ANKRD27: variants seen among roughly 807,000 people sequenced by gnomAD.
ANKRD27 encodes the protein ankyrin repeat domain-containing protein 27.
A neutral mutation model predicts 129.7 loss-of-function variants in ANKRD27; 112 were observed. That is an observed-to-expected ratio of 0.86 (90% CI 0.74 to 1.01). ANKRD27 has a LOEUF of 1.01. ANKRD27 is among the 50% of genes least tolerant of loss of function. The pLI is 0.00. For synonymous variants in ANKRD27, 516 were observed against 511.2 expected (o/e 1.01, Z -0.13); for missense variants, 1,258 against 1,300.5 (o/e 0.97, Z 0.50).
At chr19:32,642,939 A>C in intron 9 of ANKRD27, 184 bp downstream of exon 9, 7 of 603,076 alleles carry the variant, frequency 1.2e-5, no homozygotes, top group South Asian at 6.5e-5. Flanking sequence ...TGGGAGGGGG[A>C]CGGCCACACA....
chr19:32,620,247 A>G lies in ANKRD27; in HGVS notation c.1828-694T>C, dbSNP rs1971987605. Among the ~76,000 whole-genome samples the G allele has an allele frequency of 2.0e-5, 3 of 151,326 alleles. No individual in the cohort carries two copies. The South Asian group carries it at 6.3e-4, about 32-fold the overall frequency. Reference sequence around the variant, plus strand: ...TGCTGTGTCCCTGCCACACACACACAAAATAATTTAAAAAAAAAAAAAAGA... The same window carrying G: ...TGCTGTGTCCCTGCCACACACACACGAAATAATTTAAAAAAAAAAAAAAGA... On this transcript the variant is annotated intron_variant, in intron 18 of 28. Transcript: ENST00000306065.
Position 32,609,093 on chromosome 19 carries a change from C to T in ANKRD27, c.2176-1261G>A, listed in dbSNP as rs371709180. Among the ~76,000 whole-genome samples, 42 of 135,134 alleles carry T rather than the reference C, an allele frequency of 3.1e-4. 1 individual carries two copies. The highest frequency in any genetic ancestry group is 2.9e-3 in the Admixed American group (36 of 12,480). 88.7% of individuals were successfully genotyped at this position (135,134 alleles called of 152,430 possible). A position where few individuals can be genotyped will look rare whatever the true frequency, so the allele number is the denominator to read the frequency against. On this transcript the variant is annotated intron_variant, in intron 22 of 28. Transcript: ENST00000306065. ...ACGTTGGCTAGGCTGGGCAACAGAG[C>T]GAGACTCCATCTCCAAAAAAAAAAA...
rs748775594 is a variant in ANKRD27 at position 32,656,100 on chromosome 19, AAAG to A, written c.102+2811_102+2813del. Among the ~76,000 whole-genome samples the A allele has an allele frequency of 3.0e-3, 368 of 121,940 alleles. 4 individuals are homozygous for A. The East Asian group carries it at 0.038, about 13-fold the overall frequency. 80.0% of individuals were successfully genotyped at this position (121,940 alleles called of 152,430 possible). A position where few individuals can be genotyped will look rare whatever the true frequency, so the allele number is the denominator to read the frequency against. On this transcript the variant is annotated intron_variant, in intron 2 of 28. Transcript: ENST00000306065. Reference sequence around the variant, plus strand: ...GAAAGAAAGAAAGAAAGAAAGAAAGAAAGAAAGAAAAGAAAAGAAAAGAAAAGA... The same window carrying A: ...GAAAGAAAGAAAGAAAGAAAGAAAGAAAAGAAAAGAAAAGAAAAGAAAAGA...
intron 22 of ANKRD27, among the ~76,000 whole-genome samples, 174 bp downstream of exon 22, chr19:32,615,484 T>A (rs614370): frequency 4.6e-5 from 7 of 151,398 alleles, no homozygotes; most frequent in South Asian, 2.1e-4. Flanking sequence ...GTCAGGACAC[T>A]GAGGTGAGAG....
chr19:32,597,239 T>TAAC lies in ANKRD27; in HGVS notation c.*903_*905dup, dbSNP rs1362989389. ...TAGCTCTAGGCCAATAACATAAAAA[T>TAAC]AACAGTATAATCTATAGAAATTTAT... is the stretch of plus-strand genomic sequence containing the variant. On this transcript the variant is annotated 3_prime_UTR_variant, in exon 29 of 29. Transcript: ENST00000306065. 2 of 152,504 alleles carry TAAC rather than the reference T, an allele frequency of 1.3e-5. No individual in the cohort carries two copies. The highest frequency in any genetic ancestry group is 2.9e-5 in the Non-Finnish European group (2 of 68,006). The allele number at this position is 152,504 out of a possible 1,614,324, so 9.4% of individuals were successfully genotyped here.
At chr19:32,657,259 C>T (rs890355377) in intron 2 of ANKRD27, among the ~76,000 whole-genome samples, 1 of 151,708 alleles carries the variant, frequency 6.6e-6, no homozygotes, top group Non-Finnish European at 1.5e-5. Flanking sequence ...GTCAGGAGAT[C>T]GAGACCATCC....
At chr19:32,607,302 G>A (rs1468502380) in intron 23 of ANKRD27, among the ~76,000 whole-genome samples, 2 of 152,136 alleles carry the variant, frequency 1.3e-5, no homozygotes, top group East Asian at 1.9e-4. Context: ...CTGTCGGGGT[G>A]TAAAGGTGGT....
intron 5 of ANKRD27, among the ~76,000 whole-genome samples, chr19:32,643,995 C>T (rs1349575379): frequency 6.6e-6 from 1 of 152,056 alleles, no homozygotes; most frequent in Non-Finnish European, 1.5e-5. Flanking sequence ...CCACCTCGGC[C>T]TCCCAAGTAG....
chr19:32,645,696 G>A (rs868502149), intron 4 of ANKRD27, among the ~76,000 whole-genome samples: 2 of 151,886 alleles, frequency 1.3e-5, no homozygotes, highest in East Asian at 1.9e-4. Context: ...GCAGTGGTGC[G>A]ATCTCGGCTC....
At chr19:32,641,411 C>G (rs1049202067) in intron 10 of ANKRD27, among the ~76,000 whole-genome samples, 1 of 152,078 alleles carries the variant, frequency 6.6e-6, no homozygotes, top group African/African-American at 2.4e-5. Context: ...GAGTCCACTG[C>G]CCATGTGGAG....
chr19:32,622,694 C>T (rs548580871), intron 17 of ANKRD27, 75 bp from the exon 18 acceptor site: 44 of 1,397,534 alleles, frequency 3.1e-5, no homozygotes, highest in Non-Finnish European at 4.3e-5. Flanking sequence ...TCCTCGACCT[C>T]CTCACCAAGC....
chr19:32,619,290 C>T lies in ANKRD27; in HGVS notation c.1977G>A (p.Arg659=). 1 of 1,613,850 alleles carries T rather than the reference C, an allele frequency of 6.2e-7. No homozygotes were observed. Among genetic ancestry groups the T allele is most frequent in the Non-Finnish European group, 8.5e-7 (1 of 1,179,952 alleles). The change falls in exon 20 of 29, where the codon AGG becomes AGA. Residue 659 remains arginine, a synonymous_variant. Coordinates refer to ENST00000306065, the MANE Select transcript of ANKRD27 (RefSeq NM_032139.3). ...TGTAGTCCTTCTTGGTCTCCTCCTG[C>T]CTTGAGCTGGCTGACATGGAGGAGA... The part of the protein sequence containing the change: ...SSFSSMSASS[R]QEETKKDYRE...
chr19:32,623,861 G>A (rs1387592653), intron 17 of ANKRD27, among the ~76,000 whole-genome samples: 2 of 152,010 alleles, frequency 1.3e-5, no homozygotes, highest in Non-Finnish European at 1.5e-5. Context: ...GAGAGAGACT[G>A]TTTGAAGCTC....
intron 22 of ANKRD27, 48 bp from the exon 23 acceptor site, chr19:32,607,880 A>C: frequency 6.4e-7 from 1 of 1,550,934 alleles, no homozygotes; most frequent in African/African-American, 1.4e-5. Flanking sequence ...GTATTGAAGA[A>C]ACTGGGCTGG....
chr19:32,617,457 G>A (rs1971937153), intron 21 of ANKRD27, 132 bp downstream of exon 21: 1 of 488,166 alleles, frequency 2.0e-6, no homozygotes, highest in Admixed American at 3.5e-5. Flanking sequence ...TGAGGCAAGA[G>A]GATTGCTTGA....
At chr19:32,606,728 C>T (rs1032628129) in intron 23 of ANKRD27, among the ~76,000 whole-genome samples, 14 of 151,974 alleles carry the variant, frequency 9.2e-5, no homozygotes, top group African/African-American at 3.4e-4. Context: ...GATGCAAGAC[C>T]TGAAATATGG....
At position 32,675,162 on chromosome 19, in the gene ANKRD27, C is replaced by T. The variant is rs1250052518; in HGVS notation, c.-122G>A. 6.6e-6 allele frequency: 1 copy of T among 152,468 alleles called. No individual in the cohort carries two copies. Among genetic ancestry groups the T allele is most frequent in the African/African-American group, 2.4e-5 (1 of 41,478 alleles). The allele number at this position is 152,468 out of a possible 1,614,324, so 9.4% of individuals were successfully genotyped here. ...CTGGGACCTCGATGCCCACCACCCT[C>T]GCGCGGCGATCTGGCCCTATAGCCC... On this transcript the variant is annotated 5_prime_UTR_variant, in exon 1 of 29. Coordinates refer to ENST00000306065, the MANE Select transcript of ANKRD27 (RefSeq NM_032139.3).
At chr19:32,656,108 A>AAGGAAAGAAAGAAAG (rs1967527668) in intron 2 of ANKRD27, among the ~76,000 whole-genome samples, 1 of 103,256 alleles carries the variant, frequency 9.7e-6, no homozygotes, top group East Asian at 3.8e-4. Context: ...AGAAAGAAAG[A>AAGGAAAGAAAGAAAG]AAAGAAAAGA....
chr19:32,608,027 G>A (rs1362968296), intron 22 of ANKRD27, among the ~76,000 whole-genome samples, 195 bp from the exon 23 acceptor site: 5 of 151,586 alleles, frequency 3.3e-5, no homozygotes, highest in Middle Eastern at 6.8e-3. Context: ...TTGAGACAGG[G>A]TCTCACTCTG....
Sources: gnomAD v4.1 joint callset for allele counts (sites outside exome capture counted in the v4.1 genomes callset) on GRCh38, gnomAD v4.1.1 for gene constraint, MANE v1.5 for transcripts, NCBI Gene and HGNC (gene_info 2026-07-23, HGNC 2026-07-21) for gene names.